The following CTNNA2 variants were observed in gnomAD, a reference collection of about 807,000 sequenced individuals.
CTNNA2 encodes the protein catenin alpha-2.
A neutral mutation model predicts 101.0 loss-of-function variants in CTNNA2; 42 were observed. The observed-to-expected ratio is 0.42, with a 90% confidence interval of 0.32 to 0.54. The LOEUF (loss-of-function observed/expected upper bound fraction) is 0.54, where lower values mean the gene tolerates loss of function less well. CTNNA2 is among the 20% of genes least tolerant of loss of function. The pLI is 0.14. For synonymous variants in CTNNA2, 450 were observed against 456.4 expected, an observed-to-expected ratio of 0.99 and a Z score of 0.18; for missense variants, 871 against 1,223.1, an observed-to-expected ratio of 0.71 and a Z score of 4.29.
At chr2:79,840,916 C>G (rs184124010) in intron 3 of CTNNA2, among the ~76,000 whole-genome samples, 34 of 152,126 alleles carry the variant, frequency 2.2e-4, no homozygotes, top group African/African-American at 7.7e-4. Flanking sequence ...ACTACAGGCG[C>G]CCGCCACGGC....
chr2:79,392,603 T>G lies in CTNNA2; in HGVS notation c.-135+18590T>G, dbSNP rs1036113190. ...CCCAAGCTGTGAAAAACAAAAACTG[T>G]TTTTATCTTTATTTTCCACAAATTC... On this transcript the variant is annotated intron_variant, in intron 4 of 21. Coordinates refer to the CTNNA2 transcript ENST00000466387. Among the ~76,000 whole-genome samples, 15 of 152,256 alleles carry G rather than the reference T, an allele frequency of 9.9e-5. No homozygotes were observed. The East Asian group carries it at 2.5e-3, about 26-fold the overall frequency.
intron 1 of CTNNA2, chr2:79,547,009 T>G (rs1453056715): frequency 1.3e-5 from 2 of 152,014 alleles, no homozygotes; most frequent in Admixed American, 1.3e-4. Flanking sequence ...GATGTACTTG[T>G]TTACTAAAAT....
intron 9 of CTNNA2, among the ~76,000 whole-genome samples, chr2:80,485,841 ATTAC>A (rs770240645): frequency 6.6e-6 from 1 of 152,120 alleles, no homozygotes; most frequent in Non-Finnish European, 1.5e-5. Flanking sequence ...ATCACTCTCT[ATTAC>A]TTACAGCAGT....
chr2:79,405,041 G>T (rs561280574), intron 4 of CTNNA2, among the ~76,000 whole-genome samples: 1 of 152,092 alleles, frequency 6.6e-6, no homozygotes, highest in East Asian at 1.9e-4. Flanking sequence ...AATAGAATAT[G>T]GCAAAGATGA....
At chr2:79,384,472 C>T (rs1381368576) in intron 4 of CTNNA2, among the ~76,000 whole-genome samples, 1 of 142,772 alleles carries the variant, frequency 7.0e-6, no homozygotes, top group Non-Finnish European at 1.5e-5. Context: ...TTCAGGTTTT[C>T]AAAACCAACT....
At chr2:79,240,233 T>C (rs1363705465) in intron 2 of CTNNA2, among the ~76,000 whole-genome samples, 1 of 151,770 alleles carries the variant, frequency 6.6e-6, no homozygotes, top group Non-Finnish European at 1.5e-5. Flanking sequence ...TTTTTTAAAC[T>C]TTTAATTTCT....
At chr2:80,007,335 A>G (rs1158392906) in intron 7 of CTNNA2, among the ~76,000 whole-genome samples, 2 of 152,194 alleles carry the variant, frequency 1.3e-5, no homozygotes, top group Non-Finnish European at 1.5e-5. Flanking sequence ...AATTCCATCA[A>G]AACTTTATTA....
intron 3 of CTNNA2, among the ~76,000 whole-genome samples, chr2:79,833,158 T>C (rs1227920928): frequency 2.6e-5 from 4 of 152,172 alleles, no homozygotes; most frequent in East Asian, 1.9e-4. Context: ...TTCCAATTCG[T>C]TGGGGTTTCT....
intron 2 of CTNNA2, among the ~76,000 whole-genome samples, chr2:79,723,503 A>C (rs1016570556): frequency 6.6e-6 from 1 of 152,194 alleles, no homozygotes; most frequent in African/African-American, 2.4e-5. Flanking sequence ...CATGAGCTAC[A>C]TCTGCATATA....
chr2:80,348,504 A>C (rs573422967), intron 7 of CTNNA2, among the ~76,000 whole-genome samples: 2 of 152,206 alleles, frequency 1.3e-5, no homozygotes, highest in Admixed American at 6.5e-5. Context: ...TGGAAAAGCC[A>C]GAGGTTGAAC....
At chr2:79,311,363 C>G (rs529759299) in intron 2 of CTNNA2, among the ~76,000 whole-genome samples, 2 of 147,010 alleles carry the variant, frequency 1.4e-5, no homozygotes, top group East Asian at 2.0e-4. Flanking sequence ...GAGCCGAGAC[C>G]GCACCACTGC....
intron 8 of CTNNA2, among the ~76,000 whole-genome samples, chr2:80,406,676 A>C (rs948199086): frequency 1.3e-5 from 2 of 151,330 alleles, no homozygotes; most frequent in Non-Finnish European, 2.9e-5. Context: ...AAATACAAAA[A>C]ATTAGCCGGG....
chr2:80,102,167 G>A (rs1429363997), intron 7 of CTNNA2, among the ~76,000 whole-genome samples: 1 of 152,102 alleles, frequency 6.6e-6, no homozygotes, highest in Non-Finnish European at 1.5e-5. Context: ...TTGAATCATT[G>A]AAGGCATCCA....
chr2:80,541,040 T>C (rs1039727606), intron 9 of CTNNA2, among the ~76,000 whole-genome samples: 1 of 152,158 alleles, frequency 6.6e-6, no homozygotes, highest in Non-Finnish European at 1.5e-5. Context: ...CTAAGGATCA[T>C]TTGCTGATGA....
chr2:79,238,281 A>G (rs1674582368), intron 2 of CTNNA2, among the ~76,000 whole-genome samples: 2 of 152,186 alleles, frequency 1.3e-5, no homozygotes, highest in African/African-American at 2.4e-5. Flanking sequence ...AACACACACA[A>G]CATTTATCAA....
intron 2 of CTNNA2, among the ~76,000 whole-genome samples, chr2:79,660,357 TACTAAATACATACAC>T (rs1681949667): frequency 1.3e-5 from 2 of 150,958 alleles, no homozygotes; most frequent in African/African-American, 4.9e-5. Context: ...TGTGTATGTA[TACTAAATACATACAC>T]ATATATAGTA....
chr2:79,529,875 C>T (rs1405026344), intron 1 of CTNNA2, among the ~76,000 whole-genome samples: 2 of 151,716 alleles, frequency 1.3e-5, no homozygotes, highest in Non-Finnish European at 2.9e-5. Flanking sequence ...TAAGAAATGA[C>T]TCAAGCAGAT....
chr2:79,922,418 C>CA (rs968433818), intron 7 of CTNNA2, among the ~76,000 whole-genome samples: 8 of 152,232 alleles, frequency 5.3e-5, no homozygotes, highest in South Asian at 2.1e-4. Flanking sequence ...GAAAAATAGA[C>CA]AGATACCTCT....
intron 7 of CTNNA2, among the ~76,000 whole-genome samples, chr2:80,123,834 G>T (rs1701977783): frequency 6.6e-6 from 1 of 152,086 alleles, no homozygotes; most frequent in Admixed American, 6.5e-5. Flanking sequence ...ATGGCAATAT[G>T]GGGCTTGTGA....
Sources: allele counts gnomAD v4.1 joint callset (sites outside exome capture counted in the v4.1 genomes callset), GRCh38; gene constraint gnomAD v4.1.1; transcripts MANE v1.5; gene names NCBI Gene and HGNC (gene_info 2026-07-23, HGNC 2026-07-21).